NGFR: variants seen among roughly 807,000 people sequenced by gnomAD.
The protein encoded by NGFR is nerve growth factor receptor, also known as tumor necrosis factor receptor superfamily member 16.
NGFR carries 30 observed loss-of-function variants against 43.2 expected under a neutral mutation model. That is an observed-to-expected ratio of 0.69 (90% CI 0.52 to 0.94). The LOEUF is 0.94. Among genes scored for constraint, NGFR ranks in the 40% least tolerant of loss-of-function variants. The probability of loss-of-function intolerance (pLI) is 0.00; values close to 1 mark genes in which losing one functional copy is unlikely to be tolerated. For synonymous variants in NGFR, 246 were observed against 259.6 expected (o/e 0.95, Z 0.50); for missense variants, 529 against 602.5 (o/e 0.88, Z 1.28).
chr17:49,513,719 A>T lies in NGFR; in HGVS notation c.*710A>T, dbSNP rs1009907679. 1 of 152,290 alleles carries T rather than the reference A, an allele frequency of 6.6e-6. No individual in the cohort carries two copies. The highest frequency in any genetic ancestry group is 2.4e-5 in the African/African-American group (1 of 41,432). The allele number at this position is 152,290 out of a possible 1,614,324, so 9.4% of individuals were successfully genotyped here. ...CTCAGGTTTGCCTGAGGGCGAGGGGAGGGTGGCAGGTGACCTTCTGGGAAA... is the reference window on the plus strand; with the variant it reads ...CTCAGGTTTGCCTGAGGGCGAGGGGTGGGTGGCAGGTGACCTTCTGGGAAA... On this transcript the variant is annotated 3_prime_UTR_variant, in exon 6 of 6. Coordinates refer to ENST00000172229, the MANE Select transcript of NGFR (RefSeq NM_002507.4).
chr17:49,502,307 T>G, intron 2 of NGFR, 103 bp downstream of exon 2: 2 of 1,292,344 alleles, frequency 1.5e-6, no homozygotes, highest in Non-Finnish European at 2.1e-6. Flanking sequence ...AGAGGCCTTA[T>G]AAGACCACCA....
rs2071246376 is a variant in NGFR at position 49,513,122 on chromosome 17, G to A, written c.*113G>A. The A allele has an allele frequency of 1.7e-6, 2 of 1,183,190 alleles. No homozygotes were observed. Among genetic ancestry groups the A allele is most frequent in the Admixed American group, 5.8e-5 (2 of 34,312 alleles). 73.3% of individuals were successfully genotyped at this position (1,183,190 alleles called of 1,614,324 possible). A position where few individuals can be genotyped will look rare whatever the true frequency, so the allele number is the denominator to read the frequency against. ...GGGGGGGCCCGCCTGGCAGAACTGA[G>A]CTCCTCTGGGCAGGACCTCAGAGTC... On this transcript the variant is annotated 3_prime_UTR_variant, in exon 6 of 6. Transcript: ENST00000172229.
chr17:49,505,778 T>C (rs560743781), intron 2 of NGFR: 19 of 153,278 alleles, frequency 1.2e-4, no homozygotes, highest in African/African-American at 4.6e-4. Context: ...GAAATTCTGC[T>C]GTCTAACCCC....
At chr17:49,501,072 G>T (rs758697471) in intron 1 of NGFR, among the ~76,000 whole-genome samples, 4 of 152,126 alleles carry the variant, frequency 2.6e-5, no homozygotes, top group Non-Finnish European at 5.9e-5. Flanking sequence ...TAGACATTAA[G>T]TTTTTTTTAA....
Position 49,512,647 on chromosome 17 carries a change from G to A in NGFR, c.983-61G>A, listed in dbSNP as rs1226435808. 7 of 1,516,198 alleles carry A rather than the reference G, an allele frequency of 4.6e-6. No homozygotes were observed. The African/African-American group carries it at 8.3e-5, about 18-fold the overall frequency. 93.9% of individuals were successfully genotyped at this position (1,516,198 alleles called of 1,614,324 possible). On this transcript the variant is annotated intron_variant, in intron 5 of 5. Transcript: ENST00000172229. The surrounding 1 kb of genome is among the most constrained non-coding windows in gnomAD (Gnocchi z 5.2). ...GGCCCTTCTTGGGTCTCACCCCAGT[G>A]CCCACTGTTGGGGAAAGGAGTTCAG...
At chr17:49,497,054 G>T (rs1409491398) in intron 1 of NGFR, 1 of 152,230 alleles carries the variant, frequency 6.6e-6, no homozygotes, top group African/African-American at 2.4e-5. Context: ...ACAGCAAGTT[G>T]GGCCAGAGTC....
rs887889012 is a variant in NGFR, at chr17:49,513,184, T to G, written c.*175T>G. 1 of 653,742 alleles carries G rather than the reference T, an allele frequency of 1.5e-6. No homozygotes were observed. The highest frequency in any genetic ancestry group is 2.5e-6 in the Non-Finnish European group (1 of 397,090). The allele number at this position is 653,742 out of a possible 1,614,324, so 40.5% of individuals were successfully genotyped here. On this transcript the variant is annotated 3_prime_UTR_variant, in exon 6 of 6. Coordinates refer to ENST00000172229, the MANE Select transcript of NGFR (RefSeq NM_002507.4). ...ACCACAGCCCTGTCAGTGCAGCCCG[T>G]GTGGCCCCTTCACTTCTGACCACAC...
chr17:49,511,755 C>A, intron 4 of NGFR, 137 bp from the exon 5 acceptor site: 1 of 1,015,720 alleles, frequency 9.8e-7, no homozygotes, highest in Non-Finnish European at 1.4e-6. Flanking sequence ...CAAAGAGGAG[C>A]CTTAGATGGT....
chr17:49,506,752 C>A (rs2071202205), intron 3 of NGFR, 94 bp downstream of exon 3: 1 of 1,267,376 alleles, frequency 7.9e-7, no homozygotes, highest in Non-Finnish European at 1.1e-6. Context: ...AAGGACCCTG[C>A]CTGGCCTGCT....
intron 4 of NGFR, 57 bp from the exon 5 acceptor site, chr17:49,511,835 T>G (rs960672634): frequency 1.4e-6 from 2 of 1,478,748 alleles, no homozygotes; most frequent in Non-Finnish European, 1.8e-6. Flanking sequence ...GATACTCAGC[T>G]GCATCGGCCA....
In NGFR at chr17:49,511,952, C is replaced by T. The variant is rs143102445; in HGVS notation, c.882C>T (p.Pro294=). Residue 294 remains proline (P), a synonymous_variant, in exon 5 of 6, where the codon CCC becomes CCT. Coordinates refer to ENST00000172229, the MANE Select transcript of NGFR (RefSeq NM_002507.4). ...ACAGCCGGCCAGTGAACCAGACGCC[C>T]CCACCAGAGGGAGAAAAACTCCACA... The part of the protein sequence containing the change: ...GANSRPVNQT[P]PPEGEKLHSD... The T allele has an allele frequency of 4.6e-5, 75 of 1,613,432 alleles. No homozygotes were observed. The African/African-American group carries it at 9.5e-4, about 20-fold the overall frequency.
chr17:49,502,320 G>T (rs185153858), intron 2 of NGFR, 116 bp downstream of exon 2: 463 of 1,174,480 alleles, frequency 3.9e-4, no homozygotes, highest in Admixed American at 6.4e-4. Flanking sequence ...GACCACCACT[G>T]TAAGGTCATC....
intron 2 of NGFR, among the ~76,000 whole-genome samples, chr17:49,502,829 TTCCTTCCTTCC>T (rs1410752407): frequency 2.2e-5 from 3 of 134,142 alleles, no homozygotes; most frequent in Admixed American, 7.3e-5. Flanking sequence ...CCTTCCTTCC[TTCCTTCCTTCC>T]TTCCTTCCTT....
At chr17:49,506,223 G>A in intron 2 of NGFR, 76 bp from the exon 3 acceptor site, 2 of 1,501,646 alleles carry the variant, frequency 1.3e-6, no homozygotes, top group Non-Finnish European at 8.8e-7. Context: ...GGCAATAGGG[G>A]AGGGAGAGAC....
chr17:49,509,435 C>T (rs937249574), intron 3 of NGFR, among the ~76,000 whole-genome samples: 9 of 152,212 alleles, frequency 5.9e-5, no homozygotes, highest in African/African-American at 2.2e-4. Flanking sequence ...CCCAGGCCGT[C>T]CAGAGCCCAC....
At chr17:49,500,623 C>T (rs1389303791) in intron 1 of NGFR, among the ~76,000 whole-genome samples, 1 of 152,200 alleles carries the variant, frequency 6.6e-6, no homozygotes, top group Admixed American at 6.5e-5. Context: ...AGAACAGGCC[C>T]TTCTGGAATC....
intron 3 of NGFR, among the ~76,000 whole-genome samples, chr17:49,508,977 C>T (rs921278783): frequency 6.6e-6 from 1 of 152,214 alleles, no homozygotes; most frequent in East Asian, 1.9e-4. Flanking sequence ...TGGGCTGCCC[C>T]CCAGCTTGCC....
chr17:49,510,339 C>A, intron 3 of NGFR, 73 bp from the exon 4 acceptor site: 1 of 1,578,396 alleles, frequency 6.3e-7, no homozygotes, highest in Non-Finnish European at 8.6e-7. Context: ...ACAGGAAGAA[C>A]ACGGCAGTGG....
chr17:49,512,249 G>T lies in NGFR; in HGVS notation c.982+197G>T, dbSNP rs1281744758. Reference sequence around the variant, plus strand: ...TAGAGGAACGACTTGGGAAATGGAGGCTTTTACAAGTTGGAGCATCCAGAC... The same window carrying T: ...TAGAGGAACGACTTGGGAAATGGAGTCTTTTACAAGTTGGAGCATCCAGAC... On this transcript the variant is annotated intron_variant, in intron 5 of 5. Coordinates refer to ENST00000172229, the MANE Select transcript of NGFR (RefSeq NM_002507.4). The surrounding 1 kb of genome is among the most constrained non-coding windows in gnomAD (Gnocchi z 5.2). 6.6e-6 allele frequency among the ~76,000 whole-genome samples: 1 copy of T among 152,194 alleles called. No homozygotes were observed. The highest frequency in any genetic ancestry group is 1.5e-5 in the Non-Finnish European group (1 of 68,034).
Sources: allele counts gnomAD v4.1 joint callset (sites outside exome capture counted in the v4.1 genomes callset), GRCh38; gene constraint gnomAD v4.1.1; non-coding constraint Gnocchi (gnomAD v3.1); transcripts MANE v1.5; gene names NCBI Gene and HGNC (gene_info 2026-07-23, HGNC 2026-07-21).